The following C1orf50 variants were observed in gnomAD, a reference collection of about 807,000 sequenced individuals.
The protein encoded by C1orf50 is chromosome 1 open reading frame 50, also known as uncharacterized protein C1orf50.
In C1orf50, 22 loss-of-function variants were observed where a neutral mutation model predicts 23.3. The ratio of observed to expected loss-of-function variants is 0.94; its 90% CI spans 0.67 to 1.35. C1orf50 has a LOEUF of 1.35. C1orf50 is among the 40% of genes most tolerant of loss of function. The pLI, the probability that C1orf50 is intolerant of heterozygous loss-of-function variation, is 0.00. For missense variants in C1orf50, 271 were observed against 249.4 expected (o/e 1.09, Z -0.58); for synonymous variants, 96 against 102.4 (o/e 0.94, Z 0.38).
chr1:42,774,743 G>A lies in C1orf50; in HGVS notation c.289G>A (p.Glu97Lys). 6.2e-7 allele frequency: 1 copy of A among 1,610,246 alleles called. No individual in the cohort carries two copies. The highest frequency in any genetic ancestry group is 8.5e-7 in the Non-Finnish European group (1 of 1,176,978). The change falls in exon 4 of 5, where the codon GAA (glutamate) becomes AAA (lysine). Residue 97 changes from glutamate to lysine, a missense_variant. Physicochemically the swap from Glu to Lys is moderately conservative, Grantham distance 56 (BLOSUM62 1). Coordinates refer to ENST00000372525, the MANE Select transcript of C1orf50 (RefSeq NM_024097.4). Reference sequence around the variant, plus strand: ...ACATATCTGTGATTCATAGGTACTGGAAGATGCTCACAGAGATGCCAACCT... The same window carrying A: ...ACATATCTGTGATTCATAGGTACTGAAAGATGCTCACAGAGATGCCAACCT... ...HLQEQARKVL[E>K]DAHRDANLHH...
chr1:42,775,336 G>T lies in C1orf50; in HGVS notation c.542G>T (p.Ser181Ile). ...AKISMMDTLL[S>I]QSVALPPCTE... is the part of the protein sequence containing the mutation. ...ATCAGCATGATGGACACGTTGCTAA[G>T]CCAGTCAGTGGCCCTGCCTCCGTGC... Residue 181 changes from serine to isoleucine, a missense_variant, in exon 5 of 5, where the codon AGC (serine) becomes ATC (isoleucine). By Grantham distance (142) the Ser-to-Ile change is moderately radical (BLOSUM62 -2). Transcript: ENST00000372525. 6.2e-7 allele frequency: 1 copy of T among 1,612,188 alleles called. No individual in the cohort carries two copies. The highest frequency in any genetic ancestry group is 8.5e-7 in the Non-Finnish European group (1 of 1,178,464).
Position 42,778,127 on chromosome 1 carries a change from C to T in C1orf50, c.*2733C>T, listed in dbSNP as rs1202320919. The T allele has an allele frequency of 6.6e-6, 1 of 152,044 alleles. No individual in the cohort carries two copies. The highest frequency in any genetic ancestry group is 1.5e-5 in the Non-Finnish European group (1 of 67,996). The allele number at this position is 152,044 out of a possible 1,614,324, so 9.4% of individuals were successfully genotyped here. A position where few individuals can be genotyped will look rare whatever the true frequency, so the allele number is the denominator to read the frequency against. Reference sequence around the variant, plus strand: ...AGTGGCAATGTGAGGTGATTTGGGGCACCTCAGAATGGGAAACTAGGACCC... The same window carrying T: ...AGTGGCAATGTGAGGTGATTTGGGGTACCTCAGAATGGGAAACTAGGACCC... On this transcript the variant is annotated 3_prime_UTR_variant, in exon 5 of 5. Transcript: ENST00000372525.
At chr1:42,774,654 T>C in intron 3 of C1orf50, 83 bp from the exon 4 acceptor site, 1 of 1,485,464 alleles carries the variant, frequency 6.7e-7, no homozygotes, top group South Asian at 1.3e-5. Context: ...CTGAATGGTT[T>C]CCAAATTTTA....
intron 2 of C1orf50, among the ~76,000 whole-genome samples, chr1:42,772,332 TCTC>T (rs1419251018): frequency 6.6e-6 from 1 of 152,234 alleles, no homozygotes; most frequent in African/African-American, 2.4e-5. Flanking sequence ...TCTAGTTTAA[TCTC>T]CTCATTTCTT....
chr1:42,771,587 GAAAC>G (rs1653221897), intron 2 of C1orf50, among the ~76,000 whole-genome samples: 1 of 152,004 alleles, frequency 6.6e-6, no homozygotes, highest in Non-Finnish European at 1.5e-5. Context: ...ACCAAAAAAA[GAAAC>G]AAAAACAAAC....
rs576024869 is a variant in C1orf50, at chr1:42,775,424, G to A, written c.*30G>A. 1.8e-4 allele frequency: 274 copies of A among 1,540,228 alleles called. 1 individual carries two copies. In the South Asian group the frequency reaches 3.0e-3, roughly 17 times the overall value. ...GGGCTTTGACAAACAGCTCTCACAG[G>A]ACCTGGCTGTCAACCTCCTTGTTGC... is the stretch of plus-strand genomic sequence containing the variant. On this transcript the variant is annotated 3_prime_UTR_variant, in exon 5 of 5. Transcript: ENST00000372525.
intron 2 of C1orf50, among the ~76,000 whole-genome samples, chr1:42,768,788 C>T (rs1414757631): frequency 1.3e-5 from 2 of 152,012 alleles, no homozygotes; most frequent in African/African-American, 4.8e-5. Flanking sequence ...GTGTTTATTA[C>T]GATGGCCTGA....
At chr1:42,774,585 T>C in intron 3 of C1orf50, 152 bp from the exon 4 acceptor site, 2 of 859,166 alleles carry the variant, frequency 2.3e-6, no homozygotes, top group Non-Finnish European at 3.5e-6. Context: ...TTTTGTTTCT[T>C]CAGAATAATC....
In C1orf50 at chr1:42,767,594, C is replaced by G. The variant is rs1240849713; in HGVS notation, c.165C>G (p.Asp55Glu). 2 of 1,611,992 alleles carry G rather than the reference C, an allele frequency of 1.2e-6. No individual in the cohort carries two copies. Among genetic ancestry groups the G allele is most frequent in the Non-Finnish European group, 1.7e-6 (2 of 1,179,582 alleles). Residue 55 changes from aspartate (D) to glutamate (E), a missense_variant, in exon 2 of 5, where the codon GAC (aspartate) becomes GAG (glutamate). By Grantham distance (45) the Asp-to-Glu change is conservative. Transcript: ENST00000372525. ...CCCACCGGGCCGGGGACCCCTTAGA[C>G]CTCGTGGCGCTCGCAGAGCAGGTGC... is the stretch of plus-strand genomic sequence containing the variant. ...YHTHRAGDPL[D>E]LVALAEQVQK...
intron 2 of C1orf50, among the ~76,000 whole-genome samples, chr1:42,772,632 T>G (rs1653246062): frequency 6.6e-6 from 1 of 152,096 alleles, no homozygotes; most frequent in Non-Finnish European, 1.5e-5. Context: ...AATACAAAAA[T>G]TAGCTGGGCA....
chr1:42,767,313 T>TGGA lies in C1orf50; in HGVS notation c.6_8dup (p.Glu2dup). The TGGA allele has an allele frequency of 6.6e-7, 1 of 1,511,298 alleles. No homozygotes were observed. Among genetic ancestry groups the TGGA allele is most frequent in the Non-Finnish European group, 8.8e-7 (1 of 1,135,406 alleles). 93.6% of individuals were successfully genotyped at this position (1,511,298 alleles called of 1,614,324 possible). A position where few individuals can be genotyped will look rare whatever the true frequency, so the allele number is the denominator to read the frequency against. On this transcript the variant is annotated inframe_insertion, in exon 1 of 5. Coordinates refer to ENST00000372525, the MANE Select transcript of C1orf50 (RefSeq NM_024097.4). Reference sequence around the variant, plus strand: ...GAGTGGGGAGGATAAGGCGCTGTCATGGAGGACGCCGCCGCGCCGGGGCGG... The same window carrying TGGA: ...GAGTGGGGAGGATAAGGCGCTGTCATGGAGGAGGACGCCGCCGCGCCGGGGCGG...
chr1:42,775,762 T>TTATATATATATATATA lies in C1orf50; in HGVS notation c.*377_*392dup, dbSNP rs35859868. The TTATATATATATATATA allele has an allele frequency of 1.8e-3, 250 of 135,972 alleles. 5 individuals are homozygous for TTATATATATATATATA. The highest frequency in any genetic ancestry group is 0.016 in the South Asian group (60 of 3,646). The allele number at this position is 135,972 out of a possible 1,614,324, so 8.4% of individuals were successfully genotyped here. ...TCCAGAGAGAACTGTTTTCAGTCTT[T>TTATATATATATATATA]TATATATATATATATATATATATAA... On this transcript the variant is annotated 3_prime_UTR_variant, in exon 5 of 5. Transcript: ENST00000372525.
rs1328811809 is a variant in C1orf50 at position 42,775,883 on chromosome 1, G to A, written c.*489G>A. 2 of 139,176 alleles carry A rather than the reference G, an allele frequency of 1.4e-5. No individual in the cohort carries two copies. Among genetic ancestry groups the A allele is most frequent in the African/African-American group, 5.2e-5 (2 of 38,576 alleles). The allele number at this position is 139,176 out of a possible 1,614,324, so 8.6% of individuals were successfully genotyped here. ...GAACGAGAATGTTGAGTAATGGAGG[G>A]TGATTTAAAAAACAACAACAACAAC... is the stretch of plus-strand genomic sequence containing the variant. On this transcript the variant is annotated 3_prime_UTR_variant, in exon 5 of 5. Coordinates refer to ENST00000372525, the MANE Select transcript of C1orf50 (RefSeq NM_024097.4).
rs1334471381 is a variant in C1orf50 at position 42,775,379 on chromosome 1, G to A, written c.585G>A (p.Gln195=). The A allele has an allele frequency of 6.3e-7, 1 of 1,590,176 alleles. No homozygotes were observed. Among genetic ancestry groups the A allele is most frequent in the Non-Finnish European group, 8.6e-7 (1 of 1,160,916 alleles). Residue 195 remains glutamine (Q), a synonymous_variant, in exon 5 of 5, where the codon CAG becomes CAA. Transcript: ENST00000372525. ...CTCCGTGCACTGAACCCAACTTCCA[G>A]GGACTGACTCACTGAGAGTGGGCTT... is the stretch of plus-strand genomic sequence containing the variant. ...ALPPCTEPNF[Q]GLTH
Position 42,775,621 on chromosome 1 carries a change from C to A in C1orf50, c.*227C>A. 2.4e-6 allele frequency: 1 copy of A among 423,588 alleles called. No homozygotes were observed. Among genetic ancestry groups the A allele is most frequent in the Non-Finnish European group, 4.3e-6 (1 of 235,058 alleles). The allele number at this position is 423,588 out of a possible 1,614,324, so 26.2% of individuals were successfully genotyped here. Reference sequence around the variant, plus strand: ...CTCTTTGGACCACAGATACCCAAGTCAGTCAGTTTCAGAGTATTGGCCAGT... The same window carrying A: ...CTCTTTGGACCACAGATACCCAAGTAAGTCAGTTTCAGAGTATTGGCCAGT... On this transcript the variant is annotated 3_prime_UTR_variant, in exon 5 of 5. Transcript: ENST00000372525.
At chr1:42,772,863 C>G (rs577322321) in intron 2 of C1orf50, among the ~76,000 whole-genome samples, 1 of 152,182 alleles carries the variant, frequency 6.6e-6, no homozygotes, top group African/African-American at 2.4e-5. Flanking sequence ...AACTCTGTTT[C>G]AGGTCCACAT....
chr1:42,773,328 G>T, intron 2 of C1orf50: 1 of 348,884 alleles, frequency 2.9e-6, no homozygotes, highest in Admixed American at 4.6e-5. Context: ...GAAAGCTATG[G>T]GAAATAGAAG....
At chr1:42,775,013 T>G (rs1570495469) in intron 4 of C1orf50, 145 bp downstream of exon 4, 2 of 1,122,000 alleles carry the variant, frequency 1.8e-6, no homozygotes, top group East Asian at 2.4e-5. Flanking sequence ...CTCTAAAAAA[T>G]ATACCTGTGC....
chr1:42,771,333 G>T lies in C1orf50; in HGVS notation c.196-2230G>T, dbSNP rs138841788. On this transcript the variant is annotated intron_variant, in intron 2 of 4. Transcript: ENST00000372525. ...AGGAACCGAATTTTGTATTTTATTT[G>T]ATTTTAATTAATTTGAATTTAAAAA... Among the ~76,000 whole-genome samples the T allele has an allele frequency of 5.3e-3, 801 of 152,112 alleles. 6 individuals are homozygous for T. The highest frequency in any genetic ancestry group is 8.0e-3 in the Non-Finnish European group (546 of 67,986).
Sources: allele counts gnomAD v4.1 joint callset (sites outside exome capture counted in the v4.1 genomes callset), GRCh38; gene constraint gnomAD v4.1.1; transcripts MANE v1.5; gene names NCBI Gene and HGNC (gene_info 2026-07-23, HGNC 2026-07-21).